The following SBNO2 variants were observed in gnomAD, a reference collection of about 807,000 sequenced individuals.
The protein encoded by SBNO2 is protein strawberry notch homolog 2.
Under a neutral mutation model 146.3 loss-of-function variants are expected in SBNO2, and 89 were observed. The ratio of observed to expected loss-of-function variants is 0.61; its 90% CI spans 0.51 to 0.73. SBNO2 has a LOEUF of 0.73. SBNO2 is among the 30% of genes least tolerant of loss of function. SBNO2 has a pLI of 0.00. For synonymous variants in SBNO2, 1,147 were observed against 892.6 expected (o/e 1.29, Z -5.08); for missense variants, 2,092 against 2,003.7 (o/e 1.04, Z -0.84).
At chr19:1,141,369 C>G (rs1225383143) in intron 4 of SBNO2, among the ~76,000 whole-genome samples, 1 of 152,128 alleles carries the variant, frequency 6.6e-6, no homozygotes, top group African/African-American at 2.4e-5. Context: ...TGCCCGCCAC[C>G]ATGCTCAGCT....
chr19:1,144,979 G>A lies in SBNO2; in HGVS notation c.279+2330C>T, dbSNP rs2080175357. ...AAAGAGGGAGACAGAGACAGAGACT[G>A]AGAGGGAGACAGAGAGATGGAGCAT... is the stretch of plus-strand genomic sequence containing the variant. On this transcript the variant is annotated intron_variant, in intron 4 of 31. Transcript: ENST00000361757. This position sits in a 1 kb window ranked among gnomAD's most constrained non-coding sequence, Gnocchi z 4.1. Among the ~76,000 whole-genome samples, 2 of 149,394 alleles carry A rather than the reference G, an allele frequency of 1.3e-5. No homozygotes were observed. The highest frequency in any genetic ancestry group is 2.5e-5 in the African/African-American group (1 of 40,406).
At chr19:1,164,575 G>GA (rs752395128) in intron 1 of SBNO2, among the ~76,000 whole-genome samples, 21 of 9,762 alleles carry the variant, frequency 2.2e-3, no homozygotes, top group African/African-American at 2.8e-3. Flanking sequence ...ACACTGTGGG[G>GA]TGTCCCAGAT....
intron 4 of SBNO2, among the ~76,000 whole-genome samples, chr19:1,129,429 C>T (rs1425101493): frequency 6.6e-6 from 1 of 152,118 alleles, no homozygotes; most frequent in African/African-American, 2.4e-5. Context: ...CAGGAACCTG[C>T]CCCCAAACAG....
In SBNO2 at chr19:1,144,743, G is replaced by C. The variant is rs539546512; in HGVS notation, c.279+2566C>G. ...AGGCAGAGAGGGAGACAAAGAGACA[G>C]GTGGAGAGGGAGACAGAGAGACAGA... On this transcript the variant is annotated intron_variant, in intron 4 of 31. Transcript: ENST00000361757. This position sits in a 1 kb window ranked among gnomAD's most constrained non-coding sequence, Gnocchi z 4.1. 6.6e-6 allele frequency among the ~76,000 whole-genome samples: 1 copy of C among 151,178 alleles called. No homozygotes were observed. The highest frequency in any genetic ancestry group is 2.1e-4 in the South Asian group (1 of 4,784).
intron 1 of SBNO2, among the ~76,000 whole-genome samples, chr19:1,169,784 A>G (rs1383545556): frequency 6.6e-6 from 1 of 152,140 alleles, no homozygotes; most frequent in African/African-American, 2.4e-5. Context: ...ATTTTCCCTG[A>G]GATACAATCC....
chr19:1,108,221 CAGAG>C lies in SBNO2; in HGVS notation c.4096_4099del (p.Leu1366AspfsTer18). 2.0e-6 allele frequency: 3 copies of C among 1,527,356 alleles called. No individual in the cohort carries two copies. In the South Asian group the frequency reaches 3.6e-5, roughly 18 times the overall value. 94.6% of individuals were successfully genotyped at this position (1,527,356 alleles called of 1,614,324 possible). A position where few individuals can be genotyped will look rare whatever the true frequency, so the allele number is the denominator to read the frequency against. Reference sequence around the variant, plus strand: ...GGGCATGTTTCGCCTAAAGGCGTGTCAGAGAGGAGCCTGGGCGCCGGGGAAGGGT... The same window carrying C: ...GGGCATGTTTCGCCTAAAGGCGTGTCAGGAGCCTGGGCGCCGGGGAAGGGT... On this transcript the variant is annotated frameshift_variant and stop_lost, in exon 32 of 32. Transcript: ENST00000361757. LOFTEE classifies it high-confidence loss of function.
At position 1,119,609 on chromosome 19, in the gene SBNO2, G is replaced by A. The variant is rs1438950018; in HGVS notation, c.1280C>T (p.Pro427Leu). The stretch of plus-strand genomic sequence containing the variant: ...GCGGCTCATGTAGATCATGTTCCGA[G>A]GCTCAGAGGCACCTGTGGGGGGAAG... ...VYASATGASE[P>L]RNMIYMSRLG... Residue 427 changes from proline (P) to leucine (L), a missense_variant, in exon 13 of 32, where the codon CCT becomes CTT. Physicochemically the swap from Pro to Leu is moderately conservative, Grantham distance 98 (BLOSUM62 -3). Coordinates refer to ENST00000361757, the MANE Select transcript of SBNO2 (RefSeq NM_014963.3). 1 of 1,608,324 alleles carries A rather than the reference G, an allele frequency of 6.2e-7. No homozygotes were observed. Among genetic ancestry groups the A allele is most frequent in the Admixed American group, 1.7e-5 (1 of 59,518 alleles).
At chr19:1,160,783 G>A (rs1272189573) in intron 1 of SBNO2, among the ~76,000 whole-genome samples, 1 of 152,112 alleles carries the variant, frequency 6.6e-6, no homozygotes, top group East Asian at 1.9e-4. Context: ...GCCCGCCTCG[G>A]CCTCCCAAAG....
At chr19:1,130,903 G>C (rs1214176260) in intron 4 of SBNO2, among the ~76,000 whole-genome samples, 1 of 152,166 alleles carries the variant, frequency 6.6e-6, no homozygotes, top group African/African-American at 2.4e-5. Context: ...GTCCTTCCCA[G>C]CACAGGACAC....
In SBNO2 at chr19:1,108,565, G is replaced by A. The variant is rs2079704602; in HGVS notation, c.3756C>T (p.Gly1252=). 8.1e-7 allele frequency: 1 copy of A among 1,240,898 alleles called. No homozygotes were observed. Among genetic ancestry groups the A allele is most frequent in the Non-Finnish European group, 1.0e-6 (1 of 992,112 alleles). 76.9% of individuals were successfully genotyped at this position (1,240,898 alleles called of 1,614,324 possible). Residue 1252 remains glycine (G), a synonymous_variant, in exon 32 of 32, where the codon GGC becomes GGT. Transcript: ENST00000361757. ...PAPRPLALPC[G]PGEVLDLTYS... The stretch of plus-strand genomic sequence containing the variant: ...AGGTGAGGTCCAGCACCTCTCCGGG[G>A]CCGCAAGGCAGCGCCAGCGGGCGCG...
chr19:1,131,407 T>C (rs2080026689), intron 4 of SBNO2, among the ~76,000 whole-genome samples: 1 of 152,058 alleles, frequency 6.6e-6, no homozygotes, highest in Admixed American at 6.5e-5. Flanking sequence ...AGCCCTGGGC[T>C]GAGGTGGGGA....
At chr19:1,123,759 C>A in intron 6 of SBNO2, 120 bp from the exon 7 acceptor site, 2 of 1,126,164 alleles carry the variant, frequency 1.8e-6, no homozygotes. Flanking sequence ...GGGTGGGAGA[C>A]GGCTCTGTCT....
In SBNO2 at chr19:1,119,557, G is replaced by C; in HGVS notation, c.1332C>G (p.Pro444=). ...GCAGGAACTCCTCAAAGTTCCGGAA[G>C]GGTGTGCCCTCGCCCCAGATACCCA... ...SRLGIWGEGT[P]FRNFEEFLHA... Residue 444 remains proline (P), a synonymous_variant, in exon 13 of 32, where the codon CCC becomes CCG. Coordinates refer to ENST00000361757, the MANE Select transcript of SBNO2 (RefSeq NM_014963.3). 6.2e-7 allele frequency: 1 copy of C among 1,611,594 alleles called. No individual in the cohort carries two copies. Among genetic ancestry groups the C allele is most frequent in the Middle Eastern group, 1.7e-4 (1 of 6,060 alleles).
At chr19:1,130,023 C>T (rs890023412) in intron 4 of SBNO2, among the ~76,000 whole-genome samples, 5 of 152,200 alleles carry the variant, frequency 3.3e-5, no homozygotes, top group Admixed American at 2.0e-4. Flanking sequence ...TACTCCAGGG[C>T]ATCCACACCA....
rs576081449 is a variant in SBNO2, at chr19:1,115,951, G to A, written c.1885+70C>T. The A allele has an allele frequency of 3.3e-4, 341 of 1,048,576 alleles. 2 individuals carry two copies. The African/African-American group carries it at 4.7e-3, about 14-fold the overall frequency. 65.0% of individuals were successfully genotyped at this position (1,048,576 alleles called of 1,614,324 possible). On this transcript the variant is annotated intron_variant, in intron 17 of 31. Coordinates refer to ENST00000361757, the MANE Select transcript of SBNO2 (RefSeq NM_014963.3). ...CGGGGGAGTGGGGGAAGCAGGGAGCGACCAGCCAGCCCCCGGGGGGAGAAA... is the reference window on the plus strand; with the variant it reads ...CGGGGGAGTGGGGGAAGCAGGGAGCAACCAGCCAGCCCCCGGGGGGAGAAA...
chr19:1,114,523 G>C, intron 17 of SBNO2, 101 bp from the exon 18 acceptor site: 1 of 1,017,892 alleles, frequency 9.8e-7, no homozygotes, highest in Non-Finnish European at 1.4e-6. Flanking sequence ...GGTCCGAGCT[G>C]GGGAGGTCCA....
chr19:1,159,673 CAG>C (rs2080325877), intron 1 of SBNO2, among the ~76,000 whole-genome samples: 1 of 53,572 alleles, frequency 1.9e-5, no homozygotes, highest in African/African-American at 8.3e-5. Context: ...AGTAGGGAAA[CAG>C]TGGGGGATAG....
intron 1 of SBNO2, among the ~76,000 whole-genome samples, chr19:1,170,391 G>T (rs1020052427): frequency 6.6e-6 from 1 of 152,154 alleles, no homozygotes; most frequent in African/African-American, 2.4e-5. Flanking sequence ...CCTCCCGGGG[G>T]TTGGGGGCGA....
Position 1,112,366 on chromosome 19 carries a change from G to T in SBNO2, c.2515+36C>A, listed in dbSNP as rs763664275. On this transcript the variant is annotated intron_variant, in intron 21 of 31. Coordinates refer to ENST00000361757, the MANE Select transcript of SBNO2 (RefSeq NM_014963.3). The surrounding 1 kb of genome is among the most constrained non-coding windows in gnomAD (Gnocchi z 5.9). Reference sequence around the variant, plus strand: ...GCGGGGCCGAGACCATGTTGGGGGCGGGGCCAGGCAGCGCTGGGGGCGGGG... The same window carrying T: ...GCGGGGCCGAGACCATGTTGGGGGCTGGGCCAGGCAGCGCTGGGGGCGGGG... 1 of 1,574,400 alleles carries T rather than the reference G, an allele frequency of 6.4e-7. No individual in the cohort carries two copies.
Sources: gnomAD v4.1 joint callset for allele counts (sites outside exome capture counted in the v4.1 genomes callset) on GRCh38, gnomAD v4.1.1 for gene constraint, Gnocchi (gnomAD v3.1) non-coding constraint, MANE v1.5 for transcripts, NCBI Gene and HGNC (gene_info 2026-07-23, HGNC 2026-07-21) for gene names.